The following ZDHHC15 variants were observed in gnomAD, a reference collection of about 807,000 sequenced individuals.
ZDHHC15 encodes palmitoyltransferase ZDHHC15.
In ZDHHC15, 19 loss-of-function variants were observed where a neutral mutation model predicts 31.7. The ratio of observed to expected loss-of-function variants is 0.60; its 90% CI spans 0.42 to 0.88. ZDHHC15 has a LOEUF of 0.88. Ranked by LOEUF, ZDHHC15 falls within the 40% of genes least tolerant of loss-of-function variation. The pLI is 0.00. For synonymous variants in ZDHHC15, 103 were observed against 90.0 expected (o/e 1.14, Z -0.82); for missense variants, 209 against 251.2 (o/e 0.83, Z 1.14).
At chrX:75,498,940 C>G (rs2085050185) in intron 2 of ZDHHC15, among the ~76,000 whole-genome samples, 2 of 111,587 alleles carry the variant, frequency 1.8e-5, no homozygotes, top group Non-Finnish European at 3.8e-5. Context: ...AACAGGCACA[C>G]AGACCAATGG....
intron 2 of ZDHHC15, among the ~76,000 whole-genome samples, chrX:75,503,386 T>C (rs1440279336): frequency 2.7e-5 from 3 of 111,197 alleles, no homozygotes; most frequent in Non-Finnish European, 5.7e-5. Context: ...CTGAAATATG[T>C]TATGCTTCTT....
chrX:75,515,908 G>A (rs1039284850), intron 1 of ZDHHC15, among the ~76,000 whole-genome samples: 4 of 111,534 alleles, frequency 3.6e-5, no homozygotes, highest in Admixed American at 9.6e-5. Flanking sequence ...AAATCAATGT[G>A]CAAAAATCAC....
chrX:75,457,979 C>T lies in ZDHHC15; in HGVS notation c.259-7057G>A, dbSNP rs773209504. 7.3e-4 allele frequency among the ~76,000 whole-genome samples: 81 copies of T among 110,926 alleles called. 3 individuals are homozygous for T. The highest frequency in any genetic ancestry group is 2.6e-3 in the African/African-American group (78 of 30,580). On this transcript the variant is annotated intron_variant, in intron 3 of 11. Coordinates refer to ENST00000373367, the MANE Select transcript of ZDHHC15 (RefSeq NM_144969.3). ...CTATGGGAGGTCCTGAAATCAATCC[C>T]CTGTGGGTACTGAGGAACAACTATA...
chrX:75,440,569 G>A lies in ZDHHC15; in HGVS notation c.380-9049C>T, dbSNP rs984138184. Among the ~76,000 whole-genome samples, 12 of 112,822 alleles carry A rather than the reference G, an allele frequency of 1.1e-4. No individual in the cohort carries two copies. The East Asian group carries it at 2.0e-3, about 19-fold the overall frequency. ...GCTGGGATTACAGGCGTGAGCCACC[G>A]TGCCCAACCACGTTCTTTTATGTGT... On this transcript the variant is annotated intron_variant, in intron 4 of 11. Coordinates refer to ENST00000373367, the MANE Select transcript of ZDHHC15 (RefSeq NM_144969.3).
intron 10 of ZDHHC15, among the ~76,000 whole-genome samples, chrX:75,402,143 A>T (rs890626847): frequency 8.9e-6 from 1 of 112,429 alleles, no homozygotes; most frequent in African/African-American, 3.2e-5. Flanking sequence ...AATGACTTTT[A>T]GGTAAATAAT....
At chrX:75,382,780 A>T (rs1280507000) in intron 10 of ZDHHC15, among the ~76,000 whole-genome samples, 1 of 112,056 alleles carries the variant, frequency 8.9e-6, no homozygotes, top group African/African-American at 3.2e-5. Flanking sequence ...CATTTGGTGA[A>T]AGATATCAGG....
chrX:75,435,976 CT>C (rs1212227896), intron 4 of ZDHHC15, among the ~76,000 whole-genome samples: 2 of 110,855 alleles, frequency 1.8e-5, no homozygotes, highest in East Asian at 2.8e-4. Flanking sequence ...TGGCCCTGGA[CT>C]TTTTTTTGTT....
chrX:75,374,797 G>A (rs1240019355), intron 11 of ZDHHC15, among the ~76,000 whole-genome samples: 1 of 109,680 alleles, frequency 9.1e-6, no homozygotes, highest in Non-Finnish European at 1.9e-5. Context: ...ATGTTGAGTG[G>A]AAGAAGCCAG....
intron 3 of ZDHHC15, among the ~76,000 whole-genome samples, chrX:75,468,579 T>A: frequency 8.9e-6 from 1 of 111,900 alleles, no homozygotes; most frequent in Non-Finnish European, 1.9e-5. Context: ...TTTGGGTATG[T>A]ATCTAGGAGT....
intron 3 of ZDHHC15, among the ~76,000 whole-genome samples, chrX:75,464,527 C>A (rs1369773467): frequency 1.8e-5 from 2 of 111,434 alleles, no homozygotes; most frequent in Non-Finnish European, 3.8e-5. Flanking sequence ...AACATCAGGT[C>A]AATATCCTTG....
At chrX:75,434,584 G>T (rs2083825196) in intron 4 of ZDHHC15, among the ~76,000 whole-genome samples, 1 of 111,846 alleles carries the variant, frequency 8.9e-6, no homozygotes, top group Non-Finnish European at 1.9e-5. Flanking sequence ...AGCATCATTT[G>T]TTGAATAGGG....
At chrX:75,387,657 C>A (rs2083193970) in intron 10 of ZDHHC15, among the ~76,000 whole-genome samples, 1 of 111,635 alleles carries the variant, frequency 9.0e-6, no homozygotes, top group Admixed American at 9.5e-5. Context: ...CTACAAGATA[C>A]AGAAAACTGC....
chrX:75,479,870 C>A (rs1181306457), intron 2 of ZDHHC15, among the ~76,000 whole-genome samples: 1 of 111,835 alleles, frequency 8.9e-6, no homozygotes, highest in Non-Finnish European at 1.9e-5. Context: ...GAATAGTATT[C>A]CATTGAAGAT....
At chrX:75,440,849 T>G (rs2083930593) in intron 4 of ZDHHC15, among the ~76,000 whole-genome samples, 1 of 111,701 alleles carries the variant, frequency 9.0e-6, no homozygotes, top group Non-Finnish European at 1.9e-5. Flanking sequence ...GGGCTTGCTA[T>G]GGTTGCTGTG....
At chrX:75,391,383 A>G (rs2083240873) in intron 10 of ZDHHC15, among the ~76,000 whole-genome samples, 2 of 112,035 alleles carry the variant, frequency 1.8e-5, no homozygotes, top group South Asian at 7.4e-4. Context: ...ATAGAAGACC[A>G]AACAGATTTA....
At chrX:75,492,477 C>T (rs1049509564) in intron 2 of ZDHHC15, among the ~76,000 whole-genome samples, 2 of 111,558 alleles carry the variant, frequency 1.8e-5, no homozygotes, top group African/African-American at 3.3e-5. Flanking sequence ...ACAGAATATA[C>T]GTTCTTCTCA....
At chrX:75,389,401 A>G (rs1183364908) in intron 10 of ZDHHC15, among the ~76,000 whole-genome samples, 2 of 109,161 alleles carry the variant, frequency 1.8e-5, no homozygotes, top group Admixed American at 9.8e-5. Context: ...TGCTTGTGTA[A>G]CCCCTCCCAC....
intron 3 of ZDHHC15, among the ~76,000 whole-genome samples, chrX:75,452,951 C>A (rs1452706217): frequency 1.8e-5 from 2 of 111,452 alleles, no homozygotes; most frequent in Non-Finnish European, 3.8e-5. Context: ...AAAATCAACA[C>A]CCTCATATTG....
At chrX:75,455,468 C>A (rs1180713936) in intron 3 of ZDHHC15, among the ~76,000 whole-genome samples, 1 of 111,601 alleles carries the variant, frequency 9.0e-6, no homozygotes, top group African/African-American at 3.3e-5. Context: ...GCAAGGACTT[C>A]GTGACTAAAA....
Sources: gnomAD v4.1 joint callset for allele counts (sites outside exome capture counted in the v4.1 genomes callset) on GRCh38, gnomAD v4.1.1 for gene constraint, MANE v1.5 for transcripts, NCBI Gene and HGNC (gene_info 2026-07-23, HGNC 2026-07-21) for gene names.